The following DPH6 variants were observed in gnomAD, a reference collection of about 807,000 sequenced individuals.
DPH6 encodes diphthamine biosynthesis 6, also known as diphthine--ammonia ligase.
In DPH6, 33 loss-of-function variants were observed where a neutral mutation model predicts 38.2. The observed-to-expected ratio is 0.86, with a 90% CI of 0.65 to 1.15. The LOEUF is 1.15. DPH6 is among the 50% of genes most tolerant of loss of function. The pLI, the probability that DPH6 is intolerant of heterozygous loss-of-function variation, is 0.00. For missense variants in DPH6, 325 were observed against 320.0 expected (o/e 1.02, Z -0.12); for synonymous variants, 108 against 103.0 (o/e 1.05, Z -0.30).
At chr15:35,319,153 G>T (rs766110076) in intron 3 of DPH6, among the ~76,000 whole-genome samples, 1 of 152,088 alleles carries the variant, frequency 6.6e-6, no homozygotes, top group Non-Finnish European at 1.5e-5. Context: ...CACTCTGGTG[G>T]ACAAGGCAAT....
intron 3 of DPH6, among the ~76,000 whole-genome samples, chr15:35,296,982 A>G (rs2052020262): frequency 6.6e-6 from 1 of 152,028 alleles, no homozygotes; most frequent in Non-Finnish European, 1.5e-5. Context: ...CATTCCCAAT[A>G]CCAAGTCCAT....
chr15:35,493,105 C>A (rs1448847853), intron 3 of DPH6, among the ~76,000 whole-genome samples: 3 of 152,122 alleles, frequency 2.0e-5, no homozygotes, highest in Non-Finnish European at 2.9e-5. Flanking sequence ...GCTAATCCAC[C>A]AACATTCTCT....
intron 3 of DPH6, among the ~76,000 whole-genome samples, chr15:35,305,356 T>G (rs2052081618): frequency 8.2e-6 from 1 of 121,588 alleles, no homozygotes. Flanking sequence ...TGTTGAGCTA[T>G]TTTTCATGAC....
At chr15:35,268,380 G>A (rs973093390) in intron 3 of DPH6, among the ~76,000 whole-genome samples, 2 of 151,856 alleles carry the variant, frequency 1.3e-5, no homozygotes, top group African/African-American at 4.8e-5. Flanking sequence ...GCAATGGTAG[G>A]AATGAAGGTG....
chr15:35,410,273 T>A (rs2053347952), intron 6 of DPH6, among the ~76,000 whole-genome samples: 1 of 151,802 alleles, frequency 6.6e-6, no homozygotes, highest in African/African-American at 2.4e-5. Flanking sequence ...AACATAACAT[T>A]TGTTCTAAAA....
intron 3 of DPH6, chr15:35,237,295 G>A (rs1357964527): frequency 3.2e-5 from 50 of 1,554,360 alleles, no homozygotes; most frequent in Non-Finnish European, 4.2e-5. Flanking sequence ...GAATTCCAGC[G>A]GCGCGGGAGC....
At chr15:35,310,417 C>T (rs1307124648) in intron 3 of DPH6, among the ~76,000 whole-genome samples, 1 of 152,042 alleles carries the variant, frequency 6.6e-6, no homozygotes, top group Admixed American at 6.5e-5. Flanking sequence ...CTCATTTTAC[C>T]TGAGGAACAG....
rs2054067759 is a variant in DPH6, at chr15:35,461,621, C to G, written c.313-6801G>C. 5.3e-5 allele frequency among the ~76,000 whole-genome samples: 8 copies of G among 149,722 alleles called. No homozygotes were observed. In the South Asian group the frequency reaches 1.7e-3, roughly 32 times the overall value. Reference sequence around the variant, plus strand: ...TTTAAGGAAAGAAGGACCAAGTCTTCTTTTGGAAGTATACATGGCACACTG... The same window carrying G: ...TTTAAGGAAAGAAGGACCAAGTCTTGTTTTGGAAGTATACATGGCACACTG... On this transcript the variant is annotated intron_variant, in intron 3 of 8. Coordinates refer to ENST00000256538, the MANE Select transcript of DPH6 (RefSeq NM_080650.4).
chr15:35,261,543 A>T (rs1243123429), intron 3 of DPH6, among the ~76,000 whole-genome samples: 2 of 40,212 alleles, frequency 5.0e-5, no homozygotes, highest in East Asian at 4.7e-4. Context: ...AAGTTAGTTT[A>T]AAAAAAAAGG....
chr15:35,369,413 C>T (rs1334718065), downstream of DPH6, among the ~76,000 whole-genome samples: 2 of 151,330 alleles, frequency 1.3e-5, no homozygotes, highest in Non-Finnish European at 3.0e-5. Flanking sequence ...AGAAGAGTAC[C>T]TGACATTTTT....
intron 5 of DPH6, among the ~76,000 whole-genome samples, chr15:35,444,388 T>C (rs572226934): frequency 6.6e-5 from 10 of 152,304 alleles, no homozygotes; most frequent in East Asian, 5.8e-4. Context: ...ACTTCGGCCA[T>C]TGGAGAACAA....
At chr15:35,522,363 A>C in intron 3 of DPH6, 1 of 1,364,568 alleles carries the variant, frequency 7.3e-7, no homozygotes, top group South Asian at 1.4e-5. Flanking sequence ...ACCATCTTTC[A>C]CCACCAGTCA....
intron 3 of DPH6, among the ~76,000 whole-genome samples, chr15:35,297,848 T>G (rs2052025445): frequency 6.6e-6 from 1 of 151,946 alleles, no homozygotes; most frequent in South Asian, 2.1e-4. Context: ...TTCCCTACAC[T>G]TCTCCATCTC....
chr15:35,402,329 A>G (rs1025266633), intron 6 of DPH6, among the ~76,000 whole-genome samples: 3 of 152,220 alleles, frequency 2.0e-5, no homozygotes, highest in African/African-American at 7.2e-5. Flanking sequence ...CCCAAGCAAA[A>G]TCGTGGAATT....
intron 3 of DPH6, among the ~76,000 whole-genome samples, chr15:35,324,439 A>T (rs184247608): frequency 6.6e-6 from 1 of 152,336 alleles, no homozygotes; most frequent in Admixed American, 6.5e-5. Context: ...TGCATCAGTT[A>T]CTTAGATACA....
At chr15:35,495,472 G>A (rs2054536935) in intron 3 of DPH6, among the ~76,000 whole-genome samples, 1 of 152,072 alleles carries the variant, frequency 6.6e-6, no homozygotes, top group Non-Finnish European at 1.5e-5. Context: ...TGTTATGGTA[G>A]CCCTAGCAAA....
At chr15:35,489,744 A>AG in intron 3 of DPH6, 1 of 981,546 alleles carries the variant, frequency 1.0e-6, no homozygotes, top group Non-Finnish European at 1.2e-6. Context: ...AACAGTATAC[A>AG]GAAACTATAA....
intron 3 of DPH6, among the ~76,000 whole-genome samples, chr15:35,222,448 T>A (rs1330041949): frequency 6.6e-6 from 1 of 152,152 alleles, no homozygotes; most frequent in Non-Finnish European, 1.5e-5. Flanking sequence ...GGGTACAGCT[T>A]GGTTTTATAC....
At chr15:35,220,845 A>G (rs1191115964) in intron 3 of DPH6, among the ~76,000 whole-genome samples, 1 of 152,146 alleles carries the variant, frequency 6.6e-6, no homozygotes, top group Non-Finnish European at 1.5e-5. Flanking sequence ...TTCCACCTCT[A>G]GCCTCCCAAA....
Sources: allele counts gnomAD v4.1 joint callset (sites outside exome capture counted in the v4.1 genomes callset), GRCh38; gene constraint gnomAD v4.1.1; transcripts MANE v1.5; gene names NCBI Gene and HGNC (gene_info 2026-07-23, HGNC 2026-07-21).